Variants in RAP1GDS1 observed in about 807,000 individuals in gnomAD.
RAP1GDS1 encodes the protein RAP1, GTP-GDP dissociation stimulator 1.
In RAP1GDS1, 35 loss-of-function variants were observed where a neutral mutation model predicts 71.1. The ratio of observed to expected loss-of-function variants is 0.49; its 90% CI spans 0.38 to 0.65. RAP1GDS1 has a LOEUF of 0.65. Among genes scored for constraint, RAP1GDS1 ranks in the 30% least tolerant of loss-of-function variants. The pLI is 0.00. For missense variants in RAP1GDS1, 663 were observed against 706.1 expected, an observed-to-expected ratio of 0.94 and a Z score of 0.69; for synonymous variants, 229 against 243.1, an observed-to-expected ratio of 0.94 and a Z score of 0.54.
rs2110278117 is a variant in RAP1GDS1, at chr4:98,292,331, A to G, written c.5-1077A>G. ...TTATTTTTCTTAGAGAAGAGGACTCACTTTGTTGCCCGGGCCGGTATCAAA... is the reference window on the plus strand; with the variant it reads ...TTATTTTTCTTAGAGAAGAGGACTCGCTTTGTTGCCCGGGCCGGTATCAAA... On this transcript the variant is annotated intron_variant, in intron 1 of 14. Coordinates refer to ENST00000408927, the MANE Select transcript of RAP1GDS1 (RefSeq NM_001100427.2). Among the ~76,000 whole-genome samples, 2 of 152,028 alleles carry G rather than the reference A, an allele frequency of 1.3e-5. 1 individual carries two copies. The highest frequency in any genetic ancestry group is 4.2e-4 in the South Asian group (2 of 4,804).
chr4:98,355,801 T>C (rs1737877827), intron 4 of RAP1GDS1, among the ~76,000 whole-genome samples: 1 of 152,128 alleles, frequency 6.6e-6, no homozygotes, highest in African/African-American at 2.4e-5. Flanking sequence ...AAAACGGCCT[T>C]ATATAATCCT....
At chr4:98,278,923 A>G (rs911872687) in intron 1 of RAP1GDS1, among the ~76,000 whole-genome samples, 1 of 152,130 alleles carries the variant, frequency 6.6e-6, no homozygotes, top group Non-Finnish European at 1.5e-5. Context: ...TCATCATAGT[A>G]TAATAATAGG....
At chr4:98,308,206 G>A (rs561740475) in intron 2 of RAP1GDS1, among the ~76,000 whole-genome samples, 3 of 148,672 alleles carry the variant, frequency 2.0e-5, no homozygotes, top group Admixed American at 1.4e-4. Flanking sequence ...ATATGTGTGC[G>A]TGTATATAGG....
At chr4:98,285,684 G>A (rs1725855138) in intron 1 of RAP1GDS1, among the ~76,000 whole-genome samples, 1 of 151,254 alleles carries the variant, frequency 6.6e-6, no homozygotes, top group South Asian at 2.1e-4. Context: ...TTTCTAGGTT[G>A]ATCACCATTG....
intron 3 of RAP1GDS1, among the ~76,000 whole-genome samples, chr4:98,345,993 A>G (rs1189169877): frequency 6.6e-6 from 1 of 152,136 alleles, no homozygotes; most frequent in East Asian, 1.9e-4. Flanking sequence ...CCTGCCTTTG[A>G]CCTGTAGCAG....
Position 98,441,985 on chromosome 4 carries a change from T to G in RAP1GDS1, c.1697-5T>G, listed in dbSNP as rs574221310. On this transcript the variant is annotated splice_polypyrimidine_tract_variant and splice_region_variant and intron_variant, in intron 14 of 14. Transcript: ENST00000408927. Reference sequence around the variant, plus strand: ...AATCATATCTGTTATTTTTTTGTCTTCCAGAATGTCTACACAAGGAAGTAC... The same window carrying G: ...AATCATATCTGTTATTTTTTTGTCTGCCAGAATGTCTACACAAGGAAGTAC... The G allele has an allele frequency of 1.9e-6, 3 of 1,613,606 alleles. No individual in the cohort carries two copies. In the East Asian group the frequency reaches 6.7e-5, roughly 36 times the overall value.
intron 7 of RAP1GDS1, among the ~76,000 whole-genome samples, chr4:98,413,554 A>C (rs373155243): frequency 2.0e-5 from 3 of 152,006 alleles, no homozygotes; most frequent in Non-Finnish European, 4.4e-5. Context: ...TGAACTCATC[A>C]TTTTTTATGG....
At chr4:98,326,797 A>G (rs1167466708) in intron 2 of RAP1GDS1, among the ~76,000 whole-genome samples, 1 of 152,156 alleles carries the variant, frequency 6.6e-6, no homozygotes, top group Admixed American at 6.5e-5. Context: ...TAGTCATGTG[A>G]GCCATGGTGA....
At chr4:98,382,797 T>C (rs909173442) in intron 5 of RAP1GDS1, among the ~76,000 whole-genome samples, 1 of 151,702 alleles carries the variant, frequency 6.6e-6, no homozygotes, top group Non-Finnish European at 1.5e-5. Flanking sequence ...GAGAAACATG[T>C]TATTGGAATG....
intron 4 of RAP1GDS1, among the ~76,000 whole-genome samples, chr4:98,359,316 TA>T (rs1738398597): frequency 6.6e-6 from 1 of 152,046 alleles, no homozygotes; most frequent in Admixed American, 6.6e-5. Context: ...AAAGTGAAAT[TA>T]TGAACTCAAG....
At chr4:98,429,673 T>A (rs1188250936) in intron 12 of RAP1GDS1, among the ~76,000 whole-genome samples, 1 of 152,162 alleles carries the variant, frequency 6.6e-6, no homozygotes, top group Non-Finnish European at 1.5e-5. Flanking sequence ...CACAAAAGAA[T>A]TTCATAATGT....
intron 9 of RAP1GDS1, among the ~76,000 whole-genome samples, chr4:98,417,866 C>T (rs1446325012): frequency 6.6e-6 from 1 of 152,080 alleles, no homozygotes; most frequent in African/African-American, 2.4e-5. Flanking sequence ...AACTTATATA[C>T]TTTTATGCCC....
chr4:98,436,996 C>T lies in RAP1GDS1; in HGVS notation c.1624C>T (p.Leu542=), dbSNP rs763072494. Residue 542 remains leucine (L), a synonymous_variant, in exon 14 of 15, where the codon CTA becomes TTA. Coordinates refer to ENST00000408927, the MANE Select transcript of RAP1GDS1 (RefSeq NM_001100427.2). ...AKLVQILHRL[L]ADERSAPEIK... Reference sequence around the variant, plus strand: ...ACTTGTACAGATTTTACATAGACTGCTAGCAGATGAGAGAAGTGCTCCTGA... The same window carrying T: ...ACTTGTACAGATTTTACATAGACTGTTAGCAGATGAGAGAAGTGCTCCTGA... The T allele has an allele frequency of 1.7e-5, 27 of 1,612,628 alleles. No homozygotes were observed. Among genetic ancestry groups the T allele is most frequent in the Non-Finnish European group, 2.1e-5 (25 of 1,179,578 alleles).
chr4:98,369,700 A>C (rs1156523237), intron 4 of RAP1GDS1, among the ~76,000 whole-genome samples: 1 of 152,212 alleles, frequency 6.6e-6, no homozygotes, highest in Non-Finnish European at 1.5e-5. Flanking sequence ...GGAGGGAAAG[A>C]TGGCTTACGA....
intron 5 of RAP1GDS1, among the ~76,000 whole-genome samples, chr4:98,389,165 A>G (rs988281886): frequency 6.6e-6 from 1 of 152,124 alleles, no homozygotes. Context: ...AAATCTTGGG[A>G]TTTTTATGAA....
At position 98,441,914 on chromosome 4, in the gene RAP1GDS1, A is replaced by G. The variant is rs539153110; in HGVS notation, c.1697-76A>G. ...TTTATAAGCTTAGTCTTGTCAAAATAAACATTTTGGTATATGTTTTGGATA... is the reference window on the plus strand; with the variant it reads ...TTTATAAGCTTAGTCTTGTCAAAATGAACATTTTGGTATATGTTTTGGATA... On this transcript the variant is annotated intron_variant, in intron 14 of 14. Coordinates refer to ENST00000408927, the MANE Select transcript of RAP1GDS1 (RefSeq NM_001100427.2). 5.4e-6 allele frequency: 8 copies of G among 1,488,880 alleles called. No individual in the cohort carries two copies. The South Asian group carries it at 1.0e-4, about 19-fold the overall frequency. 92.2% of individuals were successfully genotyped at this position (1,488,880 alleles called of 1,614,324 possible).
chr4:98,415,854 A>G (rs1747879819), intron 7 of RAP1GDS1, among the ~76,000 whole-genome samples: 1 of 152,182 alleles, frequency 6.6e-6, no homozygotes, highest in Non-Finnish European at 1.5e-5. Context: ...TGTACCCATC[A>G]CTCAAGAAAG....
chr4:98,296,594 T>C (rs971559907), intron 2 of RAP1GDS1, among the ~76,000 whole-genome samples: 5 of 152,182 alleles, frequency 3.3e-5, no homozygotes, highest in African/African-American at 7.2e-5. Context: ...TTAAAATGTT[T>C]TTAGTAAATG....
chr4:98,286,361 G>T (rs1052691008), intron 1 of RAP1GDS1, among the ~76,000 whole-genome samples: 1 of 151,930 alleles, frequency 6.6e-6, no homozygotes, highest in Non-Finnish European at 1.5e-5. Context: ...GGCTCTCTCT[G>T]TGTAGAGCCT....
Sources: gnomAD v4.1 joint callset for allele counts (sites outside exome capture counted in the v4.1 genomes callset) on GRCh38, gnomAD v4.1.1 for gene constraint, MANE v1.5 for transcripts, NCBI Gene and HGNC (gene_info 2026-07-23, HGNC 2026-07-21) for gene names.